Variants in LAMA3 observed in about 807,000 individuals in gnomAD.
LAMA3 encodes the protein laminin subunit alpha-3.
LAMA3 carries 281 observed loss-of-function variants against 402.0 expected under a neutral mutation model. The ratio of observed to expected loss-of-function variants is 0.70; its 90% confidence interval spans 0.63 to 0.77. The LOEUF (loss-of-function observed/expected upper bound fraction) is 0.77, where lower values mean the gene tolerates loss of function less well. LAMA3 is among the 30% of genes least tolerant of loss of function. LAMA3 has a pLI of 0.00. For synonymous variants in LAMA3, 1,431 were observed against 1,558.4 expected, an observed-to-expected ratio of 0.92 and a Z score of 1.93; for missense variants, 3,840 against 4,215.5, an observed-to-expected ratio of 0.91 and a Z score of 2.47.
chr18:23,733,573 T>A (rs1187979955), intron 2 of LAMA3, among the ~76,000 whole-genome samples: 1 of 152,236 alleles, frequency 6.6e-6, no homozygotes, highest in Non-Finnish European at 1.5e-5. Flanking sequence ...ATGGGGGCTA[T>A]AATTCAAGAT....
At chr18:23,831,375 TG>T (rs2063487482) in intron 23 of LAMA3, among the ~76,000 whole-genome samples, 1 of 152,190 alleles carries the variant, frequency 6.6e-6, no homozygotes, top group South Asian at 2.1e-4. Context: ...TTCAGTCTCT[TG>T]GGCTTGCATT....
intron 67 of LAMA3, among the ~76,000 whole-genome samples, chr18:23,934,152 C>T (rs2082246337): frequency 6.6e-6 from 1 of 152,220 alleles, no homozygotes; most frequent in South Asian, 2.1e-4. Flanking sequence ...TTTGCACTCA[C>T]AGAACAGAAC....
chr18:23,784,112 T>A lies in LAMA3; in HGVS notation c.1558T>A (p.Cys520Ser), dbSNP rs1038353808. 11 of 1,614,030 alleles carry A rather than the reference T, an allele frequency of 6.8e-6. No homozygotes were observed. The highest frequency in any genetic ancestry group is 1.3e-5 in the African/African-American group (1 of 74,916). ...CCGCCCTGGGGTTGAGGGCCCTCGA[T>A]GTGATACCTGCCGCTCTGGTTTCTA... ...LCRPGVEGPR[C>S]DTCRSGFYSF... is the part of the protein sequence containing the mutation. The change falls in exon 12 of 75, where the codon TGT becomes AGT. Residue 520 changes from cysteine (C) to serine (S), a missense_variant. Physicochemically the swap from Cys to Ser is moderately radical, Grantham distance 112 (BLOSUM62 -1). Transcript: ENST00000313654.
rs548464761 is a variant in LAMA3, at chr18:23,721,205, T to TAC, written c.447+7139_447+7140dup. Among the ~76,000 whole-genome samples the TAC allele has an allele frequency of 1.8e-3, 269 of 152,274 alleles. 2 individuals are homozygous for TAC. The highest frequency in any genetic ancestry group is 6.3e-3 in the African/African-American group (263 of 41,554). On this transcript the variant is annotated intron_variant, in intron 2 of 74. Transcript: ENST00000313654. ...CTCTTTCTCTGTATATATGTATATA[T>TAC]ACACACATTCAATTGGTTCTGTTTC...
At chr18:23,832,082 A>C (rs989890675) in intron 23 of LAMA3, among the ~76,000 whole-genome samples, 7 of 152,240 alleles carry the variant, frequency 4.6e-5, no homozygotes, top group Non-Finnish European at 1.0e-4. Flanking sequence ...GTCTTCCAAC[A>C]GGTAATCCAT....
chr18:23,810,797 A>G (rs2063054976), intron 13 of LAMA3, among the ~76,000 whole-genome samples: 1 of 152,116 alleles, frequency 6.6e-6, no homozygotes, highest in Admixed American at 6.5e-5. Context: ...TTCTGTGGAT[A>G]GCATTGTGGC....
intron 2 of LAMA3, 136 bp from the exon 3 acceptor site, chr18:23,747,807 C>G (rs4800509): frequency 1.4e-6 from 1 of 704,434 alleles, no homozygotes; most frequent in Non-Finnish European, 2.6e-6. Flanking sequence ...GTCCAATAGA[C>G]AGGAATCAGG....
rs564564590 is a variant in LAMA3 at position 23,872,708 on chromosome 18, C to G, written c.4998+1047C>G. ...TCTAGCCTGATTAAAATTGATAGCC[C>G]GAGGGAAAGAGAGGGACTCTGGATT... is the stretch of plus-strand genomic sequence containing the variant. On this transcript the variant is annotated intron_variant, in intron 38 of 74. Coordinates refer to ENST00000313654, the MANE Select transcript of LAMA3 (RefSeq NM_198129.4). 6 of 343,662 alleles carry G rather than the reference C, an allele frequency of 1.7e-5. No individual in the cohort carries two copies. In the East Asian group the frequency reaches 3.9e-4, roughly 22 times the overall value. 21.3% of individuals were successfully genotyped at this position (343,662 alleles called of 1,614,324 possible).
intron 26 of LAMA3, 23 bp downstream of exon 26, chr18:23,838,901 C>G: frequency 1.4e-6 from 2 of 1,383,168 alleles, no homozygotes; most frequent in Non-Finnish European, 2.1e-6. Flanking sequence ...CTTCCTGTCT[C>G]CCCGTTCATG....
intron 44 of LAMA3, 64 bp downstream of exon 44, chr18:23,895,122 TA>T: frequency 6.6e-7 from 1 of 1,524,886 alleles, no homozygotes; most frequent in African/African-American, 1.4e-5. Context: ...GGATTCTCCA[TA>T]AGCAGGAAGG....
At chr18:23,939,520 G>T (rs1449816001) in intron 68 of LAMA3, 134 bp downstream of exon 68, 2 of 954,160 alleles carry the variant, frequency 2.1e-6, no homozygotes, top group Non-Finnish European at 3.3e-6. Flanking sequence ...GTGCAAAGAG[G>T]TGCTGGCCTG....
In LAMA3 at chr18:23,842,440, G is replaced by T. The variant is rs1028487400; in HGVS notation, c.3382G>T (p.Val1128Phe). 5.6e-6 allele frequency: 9 copies of T among 1,613,928 alleles called. No individual in the cohort carries two copies. Among genetic ancestry groups the T allele is most frequent in the Non-Finnish European group, 7.6e-6 (9 of 1,180,018 alleles). The change falls in exon 28 of 75, where the codon GTC becomes TTC. Residue 1128 changes from valine (V) to phenylalanine (F), a missense_variant. Coordinates refer to ENST00000313654, the MANE Select transcript of LAMA3 (RefSeq NM_198129.4). ...RGRVPHLGRY[V>F]FVIHFYQAAH... The stretch of plus-strand genomic sequence containing the variant: ...ACGTGTACCACACCTGGGCCGATAC[G>T]TCTTTGTCATCCATTTTTACCAAGC...
chr18:23,694,692 A>G (rs542870057), intron 1 of LAMA3, among the ~76,000 whole-genome samples: 1 of 152,354 alleles, frequency 6.6e-6, no homozygotes, highest in African/African-American at 2.4e-5. Context: ...TGTCACAGAC[A>G]TGCTAACTAC....
chr18:23,944,668 G>A (rs2082643667), intron 69 of LAMA3, among the ~76,000 whole-genome samples: 1 of 152,208 alleles, frequency 6.6e-6, no homozygotes. Flanking sequence ...GTTCCAGGAA[G>A]AGGGAAGAGC....
intron 9 of LAMA3, among the ~76,000 whole-genome samples, chr18:23,774,374 T>A (rs2062268564): frequency 6.6e-6 from 1 of 152,232 alleles, no homozygotes; most frequent in Non-Finnish European, 1.5e-5. Context: ...AAAGGTCTTG[T>A]TTAATTATTA....
intron 12 of LAMA3, among the ~76,000 whole-genome samples, chr18:23,803,967 A>G (rs1274973973): frequency 6.6e-6 from 1 of 152,150 alleles, no homozygotes; most frequent in Non-Finnish European, 1.5e-5. Context: ...AATCTTATGT[A>G]TACCACTTCC....
chr18:23,780,294 T>G (rs1276503078), intron 11 of LAMA3, among the ~76,000 whole-genome samples: 2 of 120,430 alleles, frequency 1.7e-5, no homozygotes, highest in Admixed American at 9.8e-5. Context: ...TGAGAGCATA[T>G]GGGAGGGGCA....
intron 3 of LAMA3, among the ~76,000 whole-genome samples, chr18:23,748,938 G>A (rs28616685): frequency 0.16 from 24,990 of 152,172 alleles, 3,029 homozygotes; most frequent in East Asian, 0.58. Context: ...GATGGTAGAA[G>A]CTGTGAATTG....
Position 23,857,975 on chromosome 18 carries a change from C to T in LAMA3, c.4268C>T (p.Ala1423Val), listed in dbSNP as rs1290504874. 6.2e-7 allele frequency: 1 copy of T among 1,614,132 alleles called. No homozygotes were observed. Among genetic ancestry groups the T allele is most frequent in the Admixed American group, 1.7e-5 (1 of 60,028 alleles). ...EPGVCDPGTG[A>V]CLCKENVEGT... is the part of the protein sequence containing the mutation. The stretch of plus-strand genomic sequence containing the variant: ...GGAGTGTGTGACCCAGGGACCGGGG[C>T]TTGCCTCTGCAAGGTAAGAGAGATC... The change falls in exon 33 of 75, where the codon GCT (alanine) becomes GTT (valine). Residue 1423 changes from alanine to valine, a missense_variant. Transcript: ENST00000313654.
Sources: gnomAD v4.1 joint callset for allele counts (sites outside exome capture counted in the v4.1 genomes callset) on GRCh38, gnomAD v4.1.1 for gene constraint, MANE v1.5 for transcripts, NCBI Gene and HGNC (gene_info 2026-07-23, HGNC 2026-07-21) for gene names.